NCK1: variants seen among roughly 807,000 people sequenced by gnomAD.
The protein encoded by NCK1 is SH2/SH3 adapter protein NCK1.
A neutral mutation model predicts 36.6 loss-of-function variants in NCK1; 19 were observed. The ratio of observed to expected loss-of-function variants is 0.52; its 90% CI spans 0.36 to 0.76. NCK1 has a LOEUF of 0.76. Ranked by LOEUF, NCK1 falls within the 30% of genes least tolerant of loss-of-function variation. NCK1 has a pLI of 0.00. For missense variants in NCK1, 358 were observed against 445.6 expected, an observed-to-expected ratio of 0.80 and a Z score of 1.77; for synonymous variants, 165 against 156.0, an observed-to-expected ratio of 1.06 and a Z score of -0.43.
chr3:136,875,314 C>T (rs1376089710), intron 1 of NCK1, among the ~76,000 whole-genome samples: 6 of 152,058 alleles, frequency 3.9e-5, no homozygotes, highest in Admixed American at 6.6e-5. Context: ...ACAATCATGT[C>T]GTCTGCAAAC....
intron 2 of NCK1, among the ~76,000 whole-genome samples, chr3:136,933,321 A>T (rs933242452): frequency 6.6e-6 from 1 of 152,244 alleles, no homozygotes; most frequent in African/African-American, 2.4e-5. Flanking sequence ...ATGCTTCCAA[A>T]TGCTGGCATC....
chr3:136,927,941 A>ATTTTTATT, intron 1 of NCK1, 43 bp from the exon 2 acceptor site: 1 of 1,350,202 alleles, frequency 7.4e-7, no homozygotes, highest in South Asian at 1.3e-5. Flanking sequence ...GTGAACTAAT[A>ATTTTTATT]CTACCTCAAC....
At chr3:136,886,314 G>A (rs1248111286) in intron 1 of NCK1, among the ~76,000 whole-genome samples, 1 of 151,962 alleles carries the variant, frequency 6.6e-6, no homozygotes, top group African/African-American at 2.4e-5. Context: ...TATCCATGAG[G>A]TGTTGGTTCC....
At position 136,948,853 on chromosome 3, in the gene NCK1, A is replaced by G; in HGVS notation, c.*400A>G. On this transcript the variant is annotated 3_prime_UTR_variant, in exon 4 of 4. Coordinates refer to ENST00000481752, the MANE Select transcript of NCK1 (RefSeq NM_001291999.2). ...GTTTTTCATTATATAAAATTATTAT[A>G]TCTATATATGACATATGCTAAAATT... 6.5e-6 allele frequency: 1 copy of G among 153,142 alleles called. No individual in the cohort carries two copies. Among genetic ancestry groups the G allele is most frequent in the Non-Finnish European group, 1.5e-5 (1 of 68,358 alleles). 9.5% of individuals were successfully genotyped at this position (153,142 alleles called of 1,614,324 possible).
chr3:136,932,403 A>G (rs903950476), intron 2 of NCK1, among the ~76,000 whole-genome samples: 2 of 152,350 alleles, frequency 1.3e-5, no homozygotes, highest in East Asian at 3.9e-4. Context: ...TAGAAGAAAC[A>G]GAGTATTATG....
chr3:136,889,849 C>A (rs1296953443), intron 1 of NCK1, among the ~76,000 whole-genome samples: 1 of 152,188 alleles, frequency 6.6e-6, no homozygotes, highest in African/African-American at 2.4e-5. Context: ...GAGCTAGAGA[C>A]AGAGTGCCCA....
At chr3:136,886,743 T>G (rs1939082798) in intron 1 of NCK1, among the ~76,000 whole-genome samples, 1 of 152,078 alleles carries the variant, frequency 6.6e-6, no homozygotes, top group African/African-American at 2.4e-5. Flanking sequence ...TAAAGTTCGT[T>G]CATTTTTTGT....
chr3:136,922,223 C>T (rs1485710808), intron 1 of NCK1, among the ~76,000 whole-genome samples: 1 of 152,100 alleles, frequency 6.6e-6, no homozygotes, highest in East Asian at 1.9e-4. Context: ...AATGTTTGGC[C>T]CTTACCCTCT....
At chr3:136,930,357 G>C in intron 2 of NCK1, 2 of 883,668 alleles carry the variant, frequency 2.3e-6, no homozygotes, top group Non-Finnish European at 3.0e-6. Flanking sequence ...TTATTTACTT[G>C]TTATACAGGC....
rs1327773384 is a variant in NCK1, at chr3:136,946,302, T to A, written c.939+7T>A. ...TCGTGATAGTGAATCTTCGGTAAGT[T>A]GATTTTCGGAGGTAAATACAAATAG... On this transcript the variant is annotated splice_region_variant and intron_variant, in intron 3 of 3. Transcript: ENST00000481752. 1 of 1,594,978 alleles carries A rather than the reference T, an allele frequency of 6.3e-7. No individual in the cohort carries two copies. Among genetic ancestry groups the A allele is most frequent in the Admixed American group, 1.7e-5 (1 of 59,014 alleles).
intron 1 of NCK1, among the ~76,000 whole-genome samples, chr3:136,884,694 C>T (rs1301415584): frequency 6.7e-6 from 1 of 149,168 alleles, no homozygotes; most frequent in African/African-American, 2.5e-5. Flanking sequence ...TCCCAAAGTG[C>T]AGGCTTGAGC....
At chr3:136,890,804 T>G (rs188877138) in intron 1 of NCK1, among the ~76,000 whole-genome samples, 8 of 152,206 alleles carry the variant, frequency 5.3e-5, no homozygotes, top group African/African-American at 1.4e-4. Flanking sequence ...CACATTGTTA[T>G]GCAGCCATCA....
At chr3:136,944,802 A>G (rs562194033) in intron 2 of NCK1, among the ~76,000 whole-genome samples, 3 of 152,294 alleles carry the variant, frequency 2.0e-5, no homozygotes, top group Admixed American at 1.3e-4. Flanking sequence ...ACGCTAAGAA[A>G]TGGGCAGCAG....
chr3:136,885,452 A>G (rs1270485065), intron 1 of NCK1, among the ~76,000 whole-genome samples: 3 of 152,102 alleles, frequency 2.0e-5, no homozygotes, highest in Non-Finnish European at 2.9e-5. Context: ...CTATAGGTGC[A>G]TGCCACCATG....
intron 1 of NCK1, among the ~76,000 whole-genome samples, chr3:136,912,815 CT>C (rs1939862422): frequency 6.6e-6 from 1 of 151,946 alleles, no homozygotes; most frequent in Non-Finnish European, 1.5e-5. Flanking sequence ...CTGTGCTTGG[CT>C]AATTTTTAAA....
intron 1 of NCK1, among the ~76,000 whole-genome samples, chr3:136,913,028 G>C (rs1397598172): frequency 1.3e-5 from 2 of 151,684 alleles, no homozygotes; most frequent in Non-Finnish European, 2.9e-5. Flanking sequence ...GCCTTTCTCT[G>C]TGTCTTCTTT....
chr3:136,866,097 C>G lies in NCK1; in HGVS notation c.-19+3744C>G, dbSNP rs72989152. On this transcript the variant is annotated intron_variant, in intron 1 of 3. Transcript: ENST00000481752. ...CTTTTCGGAAACCAGTGATAACTCT[C>G]TGTTATCTTCAGAGTATAGTTCAGA... is the stretch of plus-strand genomic sequence containing the variant. Among the ~76,000 whole-genome samples the G allele has an allele frequency of 3.5e-3, 528 of 152,288 alleles. 1 individual carries two copies. The highest frequency in any genetic ancestry group is 0.013 in the African/African-American group (522 of 41,554).
At chr3:136,925,141 T>C (rs1940206190) in intron 1 of NCK1, among the ~76,000 whole-genome samples, 2 of 152,214 alleles carry the variant, frequency 1.3e-5, no homozygotes, top group Non-Finnish European at 2.9e-5. Flanking sequence ...TTAGTTATTA[T>C]ACCAGTAATG....
chr3:136,898,546 A>G (rs1274618739), intron 1 of NCK1, among the ~76,000 whole-genome samples: 1 of 152,224 alleles, frequency 6.6e-6, no homozygotes, highest in African/African-American at 2.4e-5. Flanking sequence ...ACATGCCATA[A>G]TACAGCAACC....
Sources: allele counts gnomAD v4.1 joint callset (sites outside exome capture counted in the v4.1 genomes callset), GRCh38; gene constraint gnomAD v4.1.1; transcripts MANE v1.5; gene names NCBI Gene and HGNC (gene_info 2026-07-23, HGNC 2026-07-21).